The following CCSER1 variants were observed in gnomAD, a reference collection of about 807,000 sequenced individuals.
CCSER1 encodes coiled-coil serine rich protein 1, also known as serine-rich coiled-coil domain-containing protein 1.
CCSER1 carries 41 observed loss-of-function variants against 82.0 expected under a neutral mutation model. That is an observed-to-expected ratio of 0.50 (90% confidence interval 0.39 to 0.65). The LOEUF (loss-of-function observed/expected upper bound fraction) is 0.65. CCSER1 is among the 30% of genes least tolerant of loss of function. The probability of loss-of-function intolerance (pLI) is 0.00; values close to 1 mark genes in which losing one functional copy is unlikely to be tolerated. For missense variants in CCSER1, 1,119 were observed against 1,064.2 expected, an observed-to-expected ratio of 1.05 and a Z score of -0.72; for synonymous variants, 414 against 383.9, an observed-to-expected ratio of 1.08 and a Z score of -0.92.
At chr4:91,432,271 T>C (rs181064375) in intron 10 of CCSER1, among the ~76,000 whole-genome samples, 1 of 152,338 alleles carries the variant, frequency 6.6e-6, no homozygotes, top group East Asian at 1.9e-4. Flanking sequence ...TAGTTCTTTA[T>C]AGCAGTGTGA....
intron 7 of CCSER1, among the ~76,000 whole-genome samples, chr4:90,795,385 A>G (rs1755853168): frequency 6.6e-6 from 1 of 151,748 alleles, no homozygotes; most frequent in South Asian, 2.1e-4. Context: ...CAGCTTAAGG[A>G]GCTTTTGGGC....
intron 8 of CCSER1, among the ~76,000 whole-genome samples, chr4:90,918,774 C>A (rs73834580): frequency 7.4e-6 from 1 of 134,774 alleles, no homozygotes; most frequent in African/African-American, 3.0e-5. Context: ...CACACACACA[C>A]ACAAACACAC....
chr4:90,210,735 G>A (rs551312299), intron 1 of CCSER1, among the ~76,000 whole-genome samples: 242 of 152,262 alleles, frequency 1.6e-3, no homozygotes, highest in Non-Finnish European at 2.5e-3. Context: ...ATGAACTACC[G>A]TGCCTGGCCT....
chr4:90,534,766 A>G (rs1775106164), intron 5 of CCSER1, among the ~76,000 whole-genome samples: 1 of 152,210 alleles, frequency 6.6e-6, no homozygotes, highest in South Asian at 2.1e-4. Flanking sequence ...TGTTATTACT[A>G]TAGAGTATTT....
intron 10 of CCSER1, among the ~76,000 whole-genome samples, chr4:91,551,833 T>C (rs772557505): frequency 6.6e-5 from 10 of 151,690 alleles, no homozygotes; most frequent in Non-Finnish European, 1.5e-4. Context: ...CATGTTTTAT[T>C]GAGATTTTGT....
At chr4:90,281,059 G>T (rs1307157796) in intron 1 of CCSER1, among the ~76,000 whole-genome samples, 1 of 151,926 alleles carries the variant, frequency 6.6e-6, no homozygotes, top group African/African-American at 2.4e-5. Context: ...GTCTCATTTT[G>T]GTTACTAGAC....
chr4:90,152,431 T>G (rs1023479714), intron 1 of CCSER1, among the ~76,000 whole-genome samples: 1 of 152,148 alleles, frequency 6.6e-6, no homozygotes, highest in African/African-American at 2.4e-5. Context: ...AAATGGGGCT[T>G]GATTTTCCCT....
At chr4:90,612,515 C>A (rs1785660123) in intron 5 of CCSER1, among the ~76,000 whole-genome samples, 1 of 152,126 alleles carries the variant, frequency 6.6e-6, no homozygotes, top group South Asian at 2.1e-4. Context: ...ATGACATATG[C>A]AACTCCATTT....
At chr4:91,598,038 C>T (rs1764662621) in intron 10 of CCSER1, among the ~76,000 whole-genome samples, 1 of 152,128 alleles carries the variant, frequency 6.6e-6, no homozygotes, top group African/African-American at 2.4e-5. Flanking sequence ...AATAAGTGGT[C>T]TATTGGTCTT....
chr4:91,126,154 G>A (rs188750712), intron 10 of CCSER1, among the ~76,000 whole-genome samples: 49 of 151,794 alleles, frequency 3.2e-4, no homozygotes, highest in Non-Finnish European at 3.0e-4. Flanking sequence ...AATAATAAAA[G>A]TAATGTCAAT....
chr4:90,547,245 G>GA lies in CCSER1; in HGVS notation c.1724+78900dup, dbSNP rs200944422. On this transcript the variant is annotated intron_variant, in intron 5 of 10. Transcript: ENST00000509176. ...ATTAAATAAAATAAAATAAAAAAAA[G>GA]AAAAAAAAAGGTGAAGAATAGTTGT... Among the ~76,000 whole-genome samples, 40 of 148,932 alleles carry GA rather than the reference G, an allele frequency of 2.7e-4. No individual in the cohort carries two copies. The South Asian group carries it at 5.9e-3, about 22-fold the overall frequency.
At chr4:91,125,614 T>C (rs1727440663) in intron 10 of CCSER1, among the ~76,000 whole-genome samples, 1 of 151,706 alleles carries the variant, frequency 6.6e-6, no homozygotes, top group Non-Finnish European at 1.5e-5. Context: ...CACACAAAAA[T>C]TTCAGATATC....
At chr4:91,441,212 A>C (rs990911934) in intron 10 of CCSER1, among the ~76,000 whole-genome samples, 2 of 152,002 alleles carry the variant, frequency 1.3e-5, no homozygotes, top group Admixed American at 6.6e-5. Flanking sequence ...ATTGATACAA[A>C]AATCCTCAAT....
At chr4:91,091,718 A>G (rs920014534) in intron 10 of CCSER1, among the ~76,000 whole-genome samples, 1 of 152,068 alleles carries the variant, frequency 6.6e-6, no homozygotes, top group African/African-American at 2.4e-5. Flanking sequence ...GGCTGTGGTG[A>G]ATCCAGGCTG....
intron 3 of CCSER1, among the ~76,000 whole-genome samples, chr4:90,329,853 T>C (rs1429871808): frequency 1.3e-5 from 2 of 152,162 alleles, no homozygotes; most frequent in Admixed American, 1.3e-4. Context: ...AATTTGCATT[T>C]TTTTATTTCT....
At chr4:90,233,035 G>A (rs1318672338) in intron 1 of CCSER1, among the ~76,000 whole-genome samples, 1 of 151,912 alleles carries the variant, frequency 6.6e-6, no homozygotes, top group Middle Eastern at 3.2e-3. Context: ...GGGACTGTAA[G>A]CTAGTTCAAC....
intron 1 of CCSER1, among the ~76,000 whole-genome samples, chr4:90,253,821 T>A (rs1327645112): frequency 1.3e-5 from 2 of 152,044 alleles, no homozygotes; most frequent in Non-Finnish European, 2.9e-5. Flanking sequence ...TCTTTTTGAT[T>A]GTCTCTTTCT....
intron 6 of CCSER1, among the ~76,000 whole-genome samples, chr4:90,702,303 T>C (rs1188993998): frequency 6.6e-6 from 1 of 152,212 alleles, no homozygotes; most frequent in East Asian, 1.9e-4. Flanking sequence ...TAACCAGCCT[T>C]GCATCCCAGG....
intron 1 of CCSER1, among the ~76,000 whole-genome samples, chr4:90,271,826 T>TTTTATATATA: frequency 2.3e-5 from 1 of 42,880 alleles, no homozygotes; most frequent in African/African-American, 8.8e-5. Flanking sequence ...ACTGGACAAT[T>TTTTATATATA]TATATATATA....
Sources: allele counts gnomAD v4.1 joint callset (sites outside exome capture counted in the v4.1 genomes callset), GRCh38; gene constraint gnomAD v4.1.1; transcripts MANE v1.5; gene names NCBI Gene and HGNC (gene_info 2026-07-23, HGNC 2026-07-21).